Variants in NFIC observed in about 807,000 individuals in gnomAD.
The protein encoded by NFIC is nuclear factor 1 C-type.
Under a neutral mutation model 54.4 loss-of-function variants are expected in NFIC, and 12 were observed. The ratio of observed to expected loss-of-function variants is 0.22; its 90% CI spans 0.14 to 0.36. The LOEUF (loss-of-function observed/expected upper bound fraction) is 0.36. Among genes scored for constraint, NFIC ranks in the 10% least tolerant of loss-of-function variants. NFIC has a pLI of 1.00. For missense variants in NFIC, 575 were observed against 718.2 expected (o/e 0.80, Z 2.28); for synonymous variants, 322 against 319.2 (o/e 1.01, Z -0.09).
intron 2 of NFIC, among the ~76,000 whole-genome samples, chr19:3,419,194 TA>T (rs2081914571): frequency 6.6e-6 from 1 of 152,198 alleles, no homozygotes; most frequent in Non-Finnish European, 1.5e-5. Context: ...TTAATGTCCC[TA>T]AAGCTGTGCA....
chr19:3,407,632 C>T (rs182138044), intron 2 of NFIC, among the ~76,000 whole-genome samples: 5 of 151,870 alleles, frequency 3.3e-5, no homozygotes, highest in South Asian at 4.2e-4. Flanking sequence ...ACGAGGTTTC[C>T]GCCATGTTGG....
chr19:3,367,331 G>GGTATTTTC (rs2080910371), intron 1 of NFIC, among the ~76,000 whole-genome samples: 1 of 152,200 alleles, frequency 6.6e-6, no homozygotes, highest in African/African-American at 2.4e-5. Flanking sequence ...GCACCGTCCC[G>GGTATTTTC]GTATTTTCGC....
At chr19:3,438,468 C>T (rs1169334261) in intron 6 of NFIC, among the ~76,000 whole-genome samples, 12 of 144,360 alleles carry the variant, frequency 8.3e-5, no homozygotes, top group African/African-American at 1.3e-4. Flanking sequence ...GACAGAGTCT[C>T]GCTCTGTCGC....
At chr19:3,420,486 A>C (rs1160168264) in intron 2 of NFIC, among the ~76,000 whole-genome samples, 2 of 151,976 alleles carry the variant, frequency 1.3e-5, no homozygotes, top group Non-Finnish European at 2.9e-5. Flanking sequence ...CGGAGATTGC[A>C]ATGAGCTGGA....
Position 3,464,202 on chromosome 19 carries a change from C to G in NFIC, c.*1433C>G, listed in dbSNP as rs538044263. Reference sequence around the variant, plus strand: ...CCCGACGCGGGGCCCAGCTGCGGGACGTGCATCACGGCTGGGCCCCCAGAG... The same window carrying G: ...CCCGACGCGGGGCCCAGCTGCGGGAGGTGCATCACGGCTGGGCCCCCAGAG... On this transcript the variant is annotated 3_prime_UTR_variant, in exon 11 of 11. Transcript: ENST00000443272. 1.6e-5 allele frequency: 16 copies of G among 985,252 alleles called. No individual in the cohort carries two copies. Among genetic ancestry groups the G allele is most frequent in the Non-Finnish European group, 1.9e-5 (16 of 829,908 alleles). The allele number at this position is 985,252 out of a possible 1,614,324, so 61.0% of individuals were successfully genotyped here.
chr19:3,366,667 G>A lies in NFIC; in HGVS notation c.30+1G>A. The A allele has an allele frequency of 6.8e-7, 1 of 1,465,138 alleles. No individual in the cohort carries two copies. The allele number at this position is 1,465,138 out of a possible 1,614,324, so 90.8% of individuals were successfully genotyped here. A position where few individuals can be genotyped will look rare whatever the true frequency, so the allele number is the denominator to read the frequency against. Reference sequence around the variant, plus strand: ...TTCGTCCCCGCTCTGCCTCACCCAGGTACGGTCCTCGCCCGGCCCCCCGCC... The same window carrying A: ...TTCGTCCCCGCTCTGCCTCACCCAGATACGGTCCTCGCCCGGCCCCCCGCC... On this transcript the variant is annotated splice_donor_variant, in intron 1 of 10. Coordinates refer to ENST00000443272, the MANE Select transcript of NFIC (RefSeq NM_001245002.2). LOFTEE classifies it high-confidence loss of function.
At chr19:3,441,868 C>A (rs1323317747) in intron 6 of NFIC, among the ~76,000 whole-genome samples, 2 of 152,186 alleles carry the variant, frequency 1.3e-5, no homozygotes. Flanking sequence ...GGATGCTCCT[C>A]CTCCTCCTCG....
rs1467163434 is a variant in NFIC, at chr19:3,417,381, A to G, written c.563-7725A>G. Among the ~76,000 whole-genome samples the G allele has an allele frequency of 2.0e-5, 3 of 152,116 alleles. No homozygotes were observed. The East Asian group carries it at 5.8e-4, about 29-fold the overall frequency. ...GTGCGCACTGGGCCTTGGTTGACCA[A>G]CCTTACAAATTGAGCAGATTTAATC... On this transcript the variant is annotated intron_variant, in intron 2 of 10. Transcript: ENST00000443272.
At chr19:3,372,805 C>G (rs1436375154) in intron 1 of NFIC, among the ~76,000 whole-genome samples, 1 of 151,540 alleles carries the variant, frequency 6.6e-6, no homozygotes, top group Non-Finnish European at 1.5e-5. Context: ...CAGTCTCCTC[C>G]TCGAGGTAGT....
intron 2 of NFIC, among the ~76,000 whole-genome samples, chr19:3,397,653 C>T (rs1193090748): frequency 6.6e-6 from 1 of 152,230 alleles, no homozygotes; most frequent in Admixed American, 6.5e-5. Context: ...CCCCATCCCA[C>T]CCAGTGGGCT....
rs146502283 is a variant in NFIC at position 3,414,286 on chromosome 19, T to C, written c.563-10820T>C. The stretch of plus-strand genomic sequence containing the variant: ...TCTCTGTTGCCTATTTTTTCTTTTG[T>C]TTACGACCCTTTAAAAATGGAAAAG... On this transcript the variant is annotated intron_variant, in intron 2 of 10. Coordinates refer to ENST00000443272, the MANE Select transcript of NFIC (RefSeq NM_001245002.2). Among the ~76,000 whole-genome samples, 986 of 152,178 alleles carry C rather than the reference T, an allele frequency of 6.5e-3. 13 individuals carry two copies. The highest frequency in any genetic ancestry group is 0.036 in the South Asian group (173 of 4,806).
chr19:3,396,665 A>G (rs935409289), intron 2 of NFIC, among the ~76,000 whole-genome samples: 2 of 151,256 alleles, frequency 1.3e-5, no homozygotes, highest in Non-Finnish European at 3.0e-5. Context: ...TTCAAAGGCA[A>G]TGGCCCAGGG....
intron 2 of NFIC, among the ~76,000 whole-genome samples, chr19:3,411,767 T>C (rs1328174817): frequency 6.6e-6 from 1 of 152,208 alleles, no homozygotes; most frequent in Non-Finnish European, 1.5e-5. Flanking sequence ...CCAGCCCGGC[T>C]GTGAGGAGTG....
Position 3,464,009 on chromosome 19 carries a change from TG to T in NFIC, c.*1243del. ...CCCTGCGTGGCCCGAGGGGCAGAGC[TG>T]GGCGTCACTTCGCAAGCGTCCTGCC... On this transcript the variant is annotated 3_prime_UTR_variant, in exon 11 of 11. Transcript: ENST00000443272. 1 of 984,978 alleles carries T rather than the reference TG, an allele frequency of 1.0e-6. No homozygotes were observed. The highest frequency in any genetic ancestry group is 1.7e-5 in the African/African-American group (1 of 57,162). 61.0% of individuals were successfully genotyped at this position (984,978 alleles called of 1,614,324 possible).
At chr19:3,404,161 G>A (rs1488055365) in intron 2 of NFIC, among the ~76,000 whole-genome samples, 1 of 152,168 alleles carries the variant, frequency 6.6e-6, no homozygotes, top group Non-Finnish European at 1.5e-5. Flanking sequence ...CAGCCGCCGA[G>A]TCAGGCCTGC....
At position 3,434,356 on chromosome 19, in the gene NFIC, C is replaced by A; in HGVS notation, c.789C>A (p.Ala263=). The change falls in exon 5 of 11, where the codon GCC becomes GCA. Residue 263 remains alanine, a synonymous_variant. Transcript: ENST00000443272. ...ACCTGGCATACGACCTGAACCCAGC[C>A]AGCACTGGCCTCAGAAGAACGCTGC... ...QGHLAYDLNP[A]STGLRRTLPS... The A allele has an allele frequency of 6.2e-7, 1 of 1,613,450 alleles. No individual in the cohort carries two copies. The highest frequency in any genetic ancestry group is 2.2e-5 in the East Asian group (1 of 44,868).
At chr19:3,392,874 C>T (rs1458973685) in intron 2 of NFIC, among the ~76,000 whole-genome samples, 2 of 152,212 alleles carry the variant, frequency 1.3e-5, no homozygotes, top group African/African-American at 2.4e-5. Flanking sequence ...CGGAGAGGGG[C>T]GAGGCATTGC....
At chr19:3,362,025 C>T (rs1321404031), upstream of NFIC, among the ~76,000 whole-genome samples, 1 of 152,174 alleles carries the variant, frequency 6.6e-6, no homozygotes, top group Non-Finnish European at 1.5e-5. Context: ...ACCGCACTTG[C>T]GGGGGGATAG....
intron 2 of NFIC, among the ~76,000 whole-genome samples, chr19:3,398,847 C>A (rs1163632467): frequency 6.6e-6 from 1 of 152,218 alleles, no homozygotes; most frequent in Non-Finnish European, 1.5e-5. Context: ...TTAAAGGGAC[C>A]GGCGTCCCCC....
Sources: gnomAD v4.1 joint callset for allele counts (sites outside exome capture counted in the v4.1 genomes callset) on GRCh38, gnomAD v4.1.1 for gene constraint, MANE v1.5 for transcripts, NCBI Gene and HGNC (gene_info 2026-07-23, HGNC 2026-07-21) for gene names.